ULK4: variants seen among roughly 807,000 people sequenced by gnomAD.
The protein encoded by ULK4 is unc-51 like kinase 4, also known as inactive serine/threonine-protein kinase ULK4.
A neutral mutation model predicts 160.6 loss-of-function variants in ULK4; 133 were observed. That is an observed-to-expected ratio of 0.83 (90% CI 0.72 to 0.96). The LOEUF is 0.96. ULK4 is among the 40% of genes least tolerant of loss of function. ULK4 has a pLI of 0.00. For synonymous variants in ULK4, 534 were observed against 539.8 expected (o/e 0.99, Z 0.15); for missense variants, 1,580 against 1,499.5 (o/e 1.05, Z -0.89).
At position 41,844,811 on chromosome 3, in the gene ULK4, A is replaced by C. The variant is rs952592368; in HGVS notation, c.1657-8840T>G. Among the ~76,000 whole-genome samples, 58 of 140,082 alleles carry C rather than the reference A, an allele frequency of 4.1e-4. No homozygotes were observed. The East Asian group carries it at 0.01, about 25-fold the overall frequency. 91.9% of individuals were successfully genotyped at this position (140,082 alleles called of 152,430 possible). On this transcript the variant is annotated intron_variant, in intron 17 of 36. Coordinates refer to ENST00000301831, the MANE Select transcript of ULK4 (RefSeq NM_017886.4). ...TTTCTAAAAAAAAAAAAAAAAAAAA[A>C]CAGCAACTAAATATGCAATTACCAC...
chr3:41,862,678 A>G (rs1188093575), intron 17 of ULK4, among the ~76,000 whole-genome samples: 2 of 152,080 alleles, frequency 1.3e-5, no homozygotes, highest in African/African-American at 4.8e-5. Flanking sequence ...GTCTTAGATG[A>G]GATCTGGAAG....
intron 11 of ULK4, 68 bp from the exon 12 acceptor site, chr3:41,908,009 G>A: frequency 8.6e-7 from 1 of 1,167,260 alleles, no homozygotes; most frequent in Non-Finnish European, 1.2e-6. Context: ...CTGTTTTCTG[G>A]AAGAAAACAA....
intron 17 of ULK4, among the ~76,000 whole-genome samples, chr3:41,876,112 GACAA>G (rs1697293617): frequency 6.6e-6 from 1 of 151,984 alleles, no homozygotes; most frequent in Admixed American, 6.6e-5. Flanking sequence ...TATTCAACAG[GACAA>G]ACAGCCTGGA....
intron 30 of ULK4, among the ~76,000 whole-genome samples, chr3:41,642,182 A>G (rs1456300979): frequency 6.6e-6 from 1 of 151,752 alleles, no homozygotes; most frequent in Non-Finnish European, 1.5e-5. Context: ...CCAATACGTA[A>G]CAGTTTTTAC....
chr3:41,473,283 A>C (rs2084040912), intron 32 of ULK4, among the ~76,000 whole-genome samples: 1 of 152,228 alleles, frequency 6.6e-6, no homozygotes, highest in Non-Finnish European at 1.5e-5. Flanking sequence ...TCCATAAAGG[A>C]AAAAGTAGAA....
At chr3:41,834,361 T>C (rs568233590) in intron 18 of ULK4, among the ~76,000 whole-genome samples, 16 of 152,244 alleles carry the variant, frequency 1.1e-4, no homozygotes, top group Middle Eastern at 3.4e-3. Context: ...ACTTTCCCAA[T>C]CAATACACAG....
chr3:41,783,965 G>A (rs1305363010), intron 21 of ULK4, among the ~76,000 whole-genome samples: 1 of 152,086 alleles, frequency 6.6e-6, no homozygotes, highest in African/African-American at 2.4e-5. Flanking sequence ...GGAGTACAAG[G>A]ATTAGTAAAT....
intron 35 of ULK4, among the ~76,000 whole-genome samples, chr3:41,314,389 G>A (rs943510682): frequency 3.3e-5 from 5 of 151,926 alleles, no homozygotes; most frequent in African/African-American, 1.2e-4. Flanking sequence ...AGTCTCCAAT[G>A]TCTATTATTC....
At chr3:41,567,351 G>A (rs1221888166) in intron 31 of ULK4, among the ~76,000 whole-genome samples, 1 of 151,930 alleles carries the variant, frequency 6.6e-6, no homozygotes, top group East Asian at 1.9e-4. Context: ...AGCAGAGCAG[G>A]GAAGCAAGGT....
At chr3:41,717,979 T>C in intron 22 of ULK4, 118 bp from the exon 23 acceptor site, 2 of 1,213,786 alleles carry the variant, frequency 1.6e-6, no homozygotes, top group Non-Finnish European at 2.2e-6. Context: ...TATTGACGTT[T>C]AGATTTGTAG....
chr3:41,825,008 A>G (rs978148564), intron 18 of ULK4, among the ~76,000 whole-genome samples: 2 of 152,226 alleles, frequency 1.3e-5, no homozygotes, highest in African/African-American at 4.8e-5. Context: ...CTGTTCACCA[A>G]TATCCGCTGT....
chr3:41,918,981 T>C (rs1241459125), intron 6 of ULK4, among the ~76,000 whole-genome samples: 1 of 152,186 alleles, frequency 6.6e-6, no homozygotes, highest in African/African-American at 2.4e-5. Context: ...TAGCAATAGC[T>C]ATTTAATGCC....
rs74668731 is a variant in ULK4 at position 41,958,854 on chromosome 3, C to T, written c.-49+3162G>A. On this transcript the variant is annotated intron_variant, in intron 1 of 36. Transcript: ENST00000301831. ...ACAGACCTTATGGTTTCTGTCACAG[C>T]TACTCACCTTTGCTCTTGAACTACA... 9.9e-5 allele frequency among the ~76,000 whole-genome samples: 15 copies of T among 152,238 alleles called. No homozygotes were observed. In the East Asian group the frequency reaches 2.9e-3, roughly 29 times the overall value.
intron 31 of ULK4, among the ~76,000 whole-genome samples, chr3:41,597,374 AGGGCCTTGCACAGATC>A (rs1404501671): frequency 3.3e-5 from 5 of 152,208 alleles, no homozygotes; most frequent in South Asian, 4.1e-4. Context: ...CAAAACCTGC[AGGGCCTTGCACAGATC>A]AAGACACGGC....
intron 32 of ULK4, among the ~76,000 whole-genome samples, chr3:41,481,826 CAAAAAAA>C (rs71616009): frequency 1.5e-5 from 1 of 66,866 alleles, no homozygotes; most frequent in African/African-American, 4.6e-5. Flanking sequence ...GACTCCGTCT[CAAAAAAA>C]AAAAAAAAAA....
At chr3:41,270,770 A>T (rs1270209364) in intron 35 of ULK4, among the ~76,000 whole-genome samples, 1 of 152,238 alleles carries the variant, frequency 6.6e-6, no homozygotes, top group East Asian at 1.9e-4. Flanking sequence ...AGAAATAATT[A>T]AAAACCTTCC....
At chr3:41,669,696 G>T (rs183180014) in intron 29 of ULK4, among the ~76,000 whole-genome samples, 1 of 152,192 alleles carries the variant, frequency 6.6e-6, no homozygotes, top group Admixed American at 6.5e-5. Flanking sequence ...GGAACTCCTA[G>T]ATACTCAGTG....
At chr3:41,616,418 T>C (rs1423107660) in intron 30 of ULK4, among the ~76,000 whole-genome samples, 1 of 152,144 alleles carries the variant, frequency 6.6e-6, no homozygotes, top group Non-Finnish European at 1.5e-5. Context: ...AAGGCAGGTA[T>C]TTCTGCATTT....
chr3:41,770,631 C>A (rs541902807), intron 21 of ULK4, among the ~76,000 whole-genome samples: 3 of 152,150 alleles, frequency 2.0e-5, no homozygotes, highest in African/African-American at 7.2e-5. Context: ...CTGCCTCACC[C>A]TCCCAAGTAG....
Sources: allele counts gnomAD v4.1 joint callset (sites outside exome capture counted in the v4.1 genomes callset), GRCh38; gene constraint gnomAD v4.1.1; transcripts MANE v1.5; gene names NCBI Gene and HGNC (gene_info 2026-07-23, HGNC 2026-07-21).